SIM1: variants seen among roughly 807,000 people sequenced by gnomAD.
SIM1 encodes the protein SIM bHLH transcription factor 1.
SIM1 carries 18 observed loss-of-function variants against 78.2 expected under a neutral mutation model. That is an observed-to-expected ratio of 0.23 (90% CI 0.16 to 0.34). SIM1 has a LOEUF of 0.34. Ranked by LOEUF, SIM1 falls within the 10% of genes least tolerant of loss-of-function variation. SIM1 has a pLI of 1.00. For missense variants in SIM1, 939 were observed against 975.1 expected (o/e 0.96, Z 0.49); for synonymous variants, 417 against 385.2 (o/e 1.08, Z -0.97).
At chr6:100,441,054 A>G (rs1281375963) in intron 9 of SIM1, among the ~76,000 whole-genome samples, 2 of 152,212 alleles carry the variant, frequency 1.3e-5, no homozygotes, top group Non-Finnish European at 2.9e-5. Context: ...TGAGTCAAAG[A>G]TCAAAACCCT....
intron 2 of SIM1, among the ~76,000 whole-genome samples, chr6:100,457,965 G>A (rs1772716174): frequency 1.3e-5 from 2 of 151,714 alleles, no homozygotes; most frequent in African/African-American, 4.9e-5. Flanking sequence ...CTGTAAATGT[G>A]GGGTGGAGGC....
Position 100,409,438 on chromosome 6 carries a change from G to T in SIM1, c.1167+11352C>A, listed in dbSNP as rs576283959. Among the ~76,000 whole-genome samples, 487 of 145,634 alleles carry T rather than the reference G, an allele frequency of 3.3e-3. 1 individual carries two copies. Among genetic ancestry groups the T allele is most frequent in the Non-Finnish European group, 3.0e-3 (194 of 65,700 alleles). Reference sequence around the variant, plus strand: ...TTTCTGTCCCCTATCATTTTTTTTTGGTTAGAAAGCTAAAGATTTGTCAAT... The same window carrying T: ...TTTCTGTCCCCTATCATTTTTTTTTTGTTAGAAAGCTAAAGATTTGTCAAT... On this transcript the variant is annotated intron_variant, in intron 10 of 11. Coordinates refer to ENST00000369208, the MANE Select transcript of SIM1 (RefSeq NM_005068.3).
chr6:100,463,166 TA>T, intron 2 of SIM1, 127 bp downstream of exon 2: 1 of 850,504 alleles, frequency 1.2e-6, no homozygotes, highest in Non-Finnish European at 1.8e-6. Context: ...GCAGCCGAGC[TA>T]AACTTCCCTT....
Position 100,402,567 on chromosome 6 carries a change from C to CTCTTTTTTTTTTTTTTTTTTT in SIM1, c.1168-8679_1168-8678insAAAAAAAAAAAAAAAAAAAGA, listed in dbSNP as rs1428516012. On this transcript the variant is annotated intron_variant, in intron 10 of 11. Transcript: ENST00000369208. ...TTGACATTATTTTCTTTTCTTTTCT[C>CTCTTTTTTTTTTTTTTTTTTT]TTTTTTTTTTTTTTTTTTTTTTTTT... Among the ~76,000 whole-genome samples, 4 of 76,340 alleles carry CTCTTTTTTTTTTTTTTTTTTT rather than the reference C, an allele frequency of 5.2e-5. 1 individual carries two copies. The highest frequency in any genetic ancestry group is 1.0e-4 in the Non-Finnish European group (4 of 38,636). The allele number at this position is 76,340 out of a possible 152,430, so 50.1% of individuals were successfully genotyped here. A position where few individuals can be genotyped will look rare whatever the true frequency, so the allele number is the denominator to read the frequency against.
intron 3 of SIM1, among the ~76,000 whole-genome samples, chr6:100,452,707 T>C (rs1464906678): frequency 1.3e-5 from 2 of 152,036 alleles, no homozygotes; most frequent in Non-Finnish European, 2.9e-5. Flanking sequence ...AATATGAAAA[T>C]ATTGGGGGAA....
rs368515157 is a variant in SIM1, at chr6:100,449,598, G to C, written c.450C>G (p.Phe150Leu). The C allele has an allele frequency of 2.5e-6, 4 of 1,613,518 alleles. No individual in the cohort carries two copies. The highest frequency in any genetic ancestry group is 3.4e-6 in the Non-Finnish European group (4 of 1,179,438). Residue 150 changes from phenylalanine (F) to leucine (L), a missense_variant, in exon 5 of 12, where the codon TTC (phenylalanine) becomes TTG (leucine). By Grantham distance (22) the Phe-to-Leu change is conservative. Around this residue, in one of 5 missense-constraint regions of SIM1, gnomAD observed 187 missense variants for 191.6 expected, o/e 0.98. Transcript: ENST00000369208. The stretch of plus-strand genomic sequence containing the variant: ...GGCATGTGTCTACCTTACCCTGCAC[G>C]AAGTGAGAGTGGTAGGGTTGATGGG... Reference protein sequence around the residue: ...LTAHQPYHSHFVQEYEIERSF... With the variant: ...LTAHQPYHSHLVQEYEIERSF...
Position 100,463,551 on chromosome 6 carries a change from A to G in SIM1, c.-83T>C. 1.5e-6 allele frequency: 2 copies of G among 1,326,962 alleles called. No homozygotes were observed. The highest frequency in any genetic ancestry group is 1.4e-5 in the South Asian group (1 of 71,262). 82.2% of individuals were successfully genotyped at this position (1,326,962 alleles called of 1,614,324 possible). A position where few individuals can be genotyped will look rare whatever the true frequency, so the allele number is the denominator to read the frequency against. On this transcript the variant is annotated 5_prime_UTR_variant, in exon 2 of 12. The change abolishes an upstream ATG in the 5' untranslated region. Transcript: ENST00000369208. ...AAAAATAAACTTTCAATTAGAGATC[A>G]TATTTGGCAAAAACATAAAACATAC...
At chr6:100,445,764 AC>A (rs1772336972) in intron 9 of SIM1, among the ~76,000 whole-genome samples, 3 of 152,316 alleles carry the variant, frequency 2.0e-5, no homozygotes, top group Admixed American at 2.0e-4. Flanking sequence ...TCTCAGACAT[AC>A]AAAGCACCTT....
At chr6:100,454,091 A>G (rs1379626078) in intron 2 of SIM1, among the ~76,000 whole-genome samples, 4 of 152,238 alleles carry the variant, frequency 2.6e-5, no homozygotes, top group Admixed American at 2.6e-4. Flanking sequence ...GCCCCCTGGT[A>G]GGACTCCAAG....
chr6:100,421,055 A>G, intron 9 of SIM1, 97 bp from the exon 10 acceptor site: 1 of 1,340,312 alleles, frequency 7.5e-7, no homozygotes, highest in Non-Finnish European at 1.0e-6. Flanking sequence ...ATTTGAAAAG[A>G]AGGCAAGCAA....
chr6:100,462,084 A>G (rs1240493002), intron 2 of SIM1, among the ~76,000 whole-genome samples: 2 of 151,764 alleles, frequency 1.3e-5, no homozygotes, highest in Non-Finnish European at 2.9e-5. Context: ...TTAGATAATA[A>G]CTTTTATGTC....
rs886060898 is a variant in SIM1, at chr6:100,463,526, A to G, written c.-58T>C. On this transcript the variant is annotated 5_prime_UTR_variant, in exon 2 of 12. Transcript: ENST00000369208. ...AAGCTCCGCAGATTCATCCAAAACC[A>G]AAAATAAACTTTCAATTAGAGATCA... 4.0e-6 allele frequency: 6 copies of G among 1,481,926 alleles called. No individual in the cohort carries two copies. The African/African-American group carries it at 5.6e-5, about 14-fold the overall frequency. 91.8% of individuals were successfully genotyped at this position (1,481,926 alleles called of 1,614,324 possible). A position where few individuals can be genotyped will look rare whatever the true frequency, so the allele number is the denominator to read the frequency against.
intron 10 of SIM1, among the ~76,000 whole-genome samples, chr6:100,416,147 G>T (rs1236192445): frequency 6.6e-6 from 1 of 151,718 alleles, no homozygotes; most frequent in Admixed American, 6.6e-5. Context: ...AGACAGTGTG[G>T]CTCTGACCTA....
intron 10 of SIM1, among the ~76,000 whole-genome samples, chr6:100,399,839 A>C (rs1158417270): frequency 2.0e-5 from 3 of 152,018 alleles, no homozygotes; most frequent in African/African-American, 7.2e-5. Flanking sequence ...TATAGAGCAA[A>C]CTCAATTCTA....
chr6:100,425,521 A>C (rs1771704508), intron 9 of SIM1, among the ~76,000 whole-genome samples: 2 of 152,242 alleles, frequency 1.3e-5, no homozygotes, highest in African/African-American at 4.8e-5. Flanking sequence ...TGGAAAGCAC[A>C]ATAAAAAATA....
At chr6:100,440,839 T>A (rs1413476184) in intron 9 of SIM1, among the ~76,000 whole-genome samples, 1 of 152,162 alleles carries the variant, frequency 6.6e-6, no homozygotes, top group Non-Finnish European at 1.5e-5. Context: ...TATGAAGATA[T>A]GTATAATCCA....
At position 100,417,148 on chromosome 6, in the gene SIM1, T is replaced by C. The variant is rs537324342; in HGVS notation, c.1167+3642A>G. Among the ~76,000 whole-genome samples the C allele has an allele frequency of 3.3e-5, 5 of 152,224 alleles. No individual in the cohort carries two copies. The South Asian group carries it at 1.0e-3, about 32-fold the overall frequency. Reference sequence around the variant, plus strand: ...AATTTATTCCTGCATTTCCTCATAATCTTAGGCTTCCTGAAGTCCCCTCTC... The same window carrying C: ...AATTTATTCCTGCATTTCCTCATAACCTTAGGCTTCCTGAAGTCCCCTCTC... On this transcript the variant is annotated intron_variant, in intron 10 of 11. Coordinates refer to ENST00000369208, the MANE Select transcript of SIM1 (RefSeq NM_005068.3).
chr6:100,404,896 A>T (rs1248184670), intron 10 of SIM1, among the ~76,000 whole-genome samples: 2 of 152,226 alleles, frequency 1.3e-5, no homozygotes, highest in African/African-American at 2.4e-5. Flanking sequence ...GTAGCTGAAC[A>T]GCAGTCAAAT....
rs1206885511 is a variant in SIM1, at chr6:100,386,897, C to G, written c.*3464G>C. On this transcript the variant is annotated 3_prime_UTR_variant, in exon 12 of 12. Transcript: ENST00000369208. ...ACAATATGACAAAAGACTTGTGGACCGAAGCACACCTAAATATCTGACCTG... is the reference window on the plus strand; with the variant it reads ...ACAATATGACAAAAGACTTGTGGACGGAAGCACACCTAAATATCTGACCTG... 6.6e-6 allele frequency: 1 copy of G among 151,832 alleles called. No individual in the cohort carries two copies. Among genetic ancestry groups the G allele is most frequent in the Non-Finnish European group, 1.5e-5 (1 of 67,882 alleles). The allele number at this position is 151,832 out of a possible 1,614,324, so 9.4% of individuals were successfully genotyped here. A position where few individuals can be genotyped will look rare whatever the true frequency, so the allele number is the denominator to read the frequency against.
Sources: allele counts gnomAD v4.1 joint callset (sites outside exome capture counted in the v4.1 genomes callset), GRCh38; gene constraint gnomAD v4.1.1; regional missense constraint gnomAD v4.1.1; transcripts MANE v1.5; gene names NCBI Gene and HGNC (gene_info 2026-07-23, HGNC 2026-07-21).